TCF4: variants seen among roughly 807,000 people sequenced by gnomAD.
TCF4 encodes the protein transcription factor 4.
A neutral mutation model predicts 82.1 loss-of-function variants in TCF4; 3 were observed. The observed-to-expected ratio is 0.04, with a 90% confidence interval of 0.02 to 0.09. The LOEUF is 0.09. Ranked by LOEUF, TCF4 falls within the 10% of genes least tolerant of loss-of-function variation. TCF4 has a pLI of 1.00. For synonymous variants in TCF4, 276 were observed against 309.6 expected (o/e 0.89, Z 1.14); for missense variants, 518 against 852.7 (o/e 0.61, Z 4.89).
At chr18:55,237,642 G>T (rs1041655019) in intron 15 of TCF4, among the ~76,000 whole-genome samples, 1 of 151,538 alleles carries the variant, frequency 6.6e-6, no homozygotes, top group Non-Finnish European at 1.5e-5. Context: ...CTAATTTGTC[G>T]TGATGTTTTA....
intron 15 of TCF4, among the ~76,000 whole-genome samples, chr18:55,251,680 G>A (rs1016580110): frequency 6.6e-6 from 1 of 152,148 alleles, no homozygotes; most frequent in Non-Finnish European, 1.5e-5. Flanking sequence ...ATACAAAACC[G>A]GGACTGGGAT....
intron 3 of TCF4, among the ~76,000 whole-genome samples, chr18:55,484,691 C>A (rs1441407594): frequency 6.6e-6 from 1 of 152,252 alleles, no homozygotes; most frequent in South Asian, 2.1e-4. Context: ...TATGACTGTA[C>A]CCCATGTGTT....
At chr18:55,380,444 G>A (rs879591854) in intron 6 of TCF4, among the ~76,000 whole-genome samples, 1 of 151,944 alleles carries the variant, frequency 6.6e-6, no homozygotes. Context: ...ACAGGCCCCA[G>A]TGTGTCTTCC....
chr18:55,271,288 T>C (rs960143102), intron 10 of TCF4, among the ~76,000 whole-genome samples: 3 of 152,158 alleles, frequency 2.0e-5, no homozygotes, highest in African/African-American at 7.2e-5. Context: ...CTTTTTCTAA[T>C]GTATTTTCAC....
At position 55,381,911 on chromosome 18, in the gene TCF4, T is replaced by C. The variant is rs1318496985; in HGVS notation, c.369+21543A>G. On this transcript the variant is annotated intron_variant, in intron 6 of 19. Transcript: ENST00000354452. ...AAGGTATCAACAAACTCTAGAAGGG[T>C]TTTTTTTTTTTTTTAAAAAAGGAAA... 1.4e-3 allele frequency among the ~76,000 whole-genome samples: 172 copies of C among 122,432 alleles called. 1 individual carries two copies. The highest frequency in any genetic ancestry group is 5.6e-3 in the African/African-American group (159 of 28,152). 80.3% of individuals were successfully genotyped at this position (122,432 alleles called of 152,430 possible).
At chr18:55,518,668 A>G (rs1159045241) in intron 3 of TCF4, among the ~76,000 whole-genome samples, 1 of 152,218 alleles carries the variant, frequency 6.6e-6, no homozygotes, top group African/African-American at 2.4e-5. Flanking sequence ...ACCCAGAAAT[A>G]TGAAAATTGT....
At chr18:55,520,828 T>A (rs2096926886) in intron 3 of TCF4, among the ~76,000 whole-genome samples, 1 of 152,196 alleles carries the variant, frequency 6.6e-6, no homozygotes, top group Non-Finnish European at 1.5e-5. Context: ...TTTATTCCTA[T>A]TACCAGTTAA....
chr18:55,470,036 T>C (rs565353845), intron 3 of TCF4, among the ~76,000 whole-genome samples: 112 of 152,216 alleles, frequency 7.4e-4, no homozygotes, highest in African/African-American at 2.6e-3. Flanking sequence ...GCCTTGAAAA[T>C]GTAATGGCCT....
chr18:55,510,574 T>C (rs1458372643), intron 3 of TCF4: 10 of 1,494,530 alleles, frequency 6.7e-6, no homozygotes, highest in African/African-American at 2.8e-5. Context: ...TACATAAATA[T>C]TTACCTCTGC....
intron 3 of TCF4, among the ~76,000 whole-genome samples, chr18:55,521,043 G>A (rs538745835): frequency 3.9e-5 from 6 of 152,156 alleles, no homozygotes; most frequent in African/African-American, 1.2e-4. Context: ...TAAGGCTGAG[G>A]GGGGTCAGAA....
At chr18:55,623,050 A>C (rs530887936) in intron 2 of TCF4, among the ~76,000 whole-genome samples, 3 of 152,246 alleles carry the variant, frequency 2.0e-5, no homozygotes, top group African/African-American at 7.2e-5. Context: ...TAAAATTGTG[A>C]ATTTGGAAAT....
At chr18:55,558,072 C>T (rs1397132338) in intron 3 of TCF4, among the ~76,000 whole-genome samples, 1 of 151,876 alleles carries the variant, frequency 6.6e-6, no homozygotes, top group Admixed American at 6.6e-5. Context: ...ACTAGCTGGG[C>T]ATGGTGGCAT....
chr18:55,237,641 C>T (rs1421853108), intron 15 of TCF4, among the ~76,000 whole-genome samples: 1 of 151,416 alleles, frequency 6.6e-6, no homozygotes, highest in Admixed American at 6.6e-5. Flanking sequence ...GCTAATTTGT[C>T]GTGATGTTTT....
intron 5 of TCF4, among the ~76,000 whole-genome samples, chr18:55,406,523 A>G (rs2094098468): frequency 6.6e-6 from 1 of 152,330 alleles, no homozygotes; most frequent in Middle Eastern, 3.4e-3. Flanking sequence ...TTTTCTGCTT[A>G]AAATTCACTT....
chr18:55,257,480 A>G lies in TCF4; in HGVS notation c.1070-89T>C, dbSNP rs185150260. 264 of 1,224,496 alleles carry G rather than the reference A, an allele frequency of 2.2e-4. No individual in the cohort carries two copies. The African/African-American group carries it at 3.5e-3, about 16-fold the overall frequency. The allele number at this position is 1,224,496 out of a possible 1,614,324, so 75.9% of individuals were successfully genotyped here. On this transcript the variant is annotated intron_variant, in intron 13 of 19. Coordinates refer to ENST00000354452, the MANE Select transcript of TCF4 (RefSeq NM_001083962.2). ...TTAAACAGTCCTTTTGGAAATGGCA[A>G]TGGCAATGATGATTTTCATTTAAAC... is the stretch of plus-strand genomic sequence containing the variant.
At chr18:55,556,087 T>C (rs915013992) in intron 3 of TCF4, among the ~76,000 whole-genome samples, 16 of 152,224 alleles carry the variant, frequency 1.1e-4, no homozygotes, top group Non-Finnish European at 2.1e-4. Context: ...AAGCTGCTTT[T>C]AATTCTTTGC....
chr18:55,622,150 T>TACAC (rs10654991), intron 2 of TCF4, among the ~76,000 whole-genome samples: 10,321 of 139,450 alleles, frequency 0.074, 905 homozygotes, highest in African/African-American at 0.22. Context: ...CCTTCAAGAT[T>TACAC]ACACACACAC....
intron 5 of TCF4, among the ~76,000 whole-genome samples, chr18:55,447,651 C>A (rs1474004988): frequency 6.6e-6 from 1 of 152,098 alleles, no homozygotes; most frequent in Non-Finnish European, 1.5e-5. Context: ...AATACATATA[C>A]TGAGGACCAT....
chr18:55,533,666 T>C (rs1310357735), intron 3 of TCF4, among the ~76,000 whole-genome samples: 1 of 152,256 alleles, frequency 6.6e-6, no homozygotes, highest in African/African-American at 2.4e-5. Flanking sequence ...TGAATTTCCA[T>C]GTAACAATGT....
Sources: gnomAD v4.1 joint callset for allele counts (sites outside exome capture counted in the v4.1 genomes callset) on GRCh38, gnomAD v4.1.1 for gene constraint, MANE v1.5 for transcripts, NCBI Gene and HGNC (gene_info 2026-07-23, HGNC 2026-07-21) for gene names.